BAIAP2: variants seen among roughly 807,000 people sequenced by gnomAD.
BAIAP2 encodes BAR/IMD domain containing adaptor protein 2.
Under a neutral mutation model 63.0 loss-of-function variants are expected in BAIAP2, and 18 were observed. That is an observed-to-expected ratio of 0.29 (90% confidence interval 0.20 to 0.42). BAIAP2 has a LOEUF of 0.42. Ranked by LOEUF, BAIAP2 falls within the 10% of genes least tolerant of loss-of-function variation. The pLI, the probability that BAIAP2 is intolerant of heterozygous loss-of-function variation, is 1.00. For missense variants in BAIAP2, 610 were observed against 734.3 expected, an observed-to-expected ratio of 0.83 and a Z score of 1.96; for synonymous variants, 386 against 307.6, an observed-to-expected ratio of 1.25 and a Z score of -2.67.
At chr17:81,093,816 G>A (rs1477523035) in intron 6 of BAIAP2, among the ~76,000 whole-genome samples, 4 of 152,216 alleles carry the variant, frequency 2.6e-5, no homozygotes, top group Non-Finnish European at 5.9e-5. Context: ...GATCTTCAGA[G>A]AAGATAATAG....
chr17:81,067,702 G>A (rs575267991), intron 3 of BAIAP2, among the ~76,000 whole-genome samples: 4 of 152,230 alleles, frequency 2.6e-5, no homozygotes, highest in Non-Finnish European at 4.4e-5. Flanking sequence ...CTCTGCCGGC[G>A]TTGCTGCTGC....
In BAIAP2 at chr17:81,117,253, GGACTTTATCATCGGCA is replaced by G. The variant is rs2060572788; in HGVS notation, c.*1418_*1433del. On this transcript the variant is annotated 3_prime_UTR_variant, in exon 14 of 14. Transcript: ENST00000428708. Reference sequence around the variant, plus strand: ...TTCCTGGCACAGCCCCTCCTGTCCAGGACTTTATCATCGGCAGACCTCAGAAGACAACACACAAAGG... The same window carrying G: ...TTCCTGGCACAGCCCCTCCTGTCCAGGACCTCAGAAGACAACACACAAAGG... 6.6e-6 allele frequency: 1 copy of G among 152,196 alleles called. No homozygotes were observed. The highest frequency in any genetic ancestry group is 2.4e-5 in the African/African-American group (1 of 41,430). 9.4% of individuals were successfully genotyped at this position (152,196 alleles called of 1,614,324 possible).
intron 6 of BAIAP2, among the ~76,000 whole-genome samples, chr17:81,094,470 C>A (rs1487312768): frequency 2.0e-5 from 3 of 152,174 alleles, no homozygotes; most frequent in African/African-American, 7.2e-5. Context: ...TGGCACTGTT[C>A]CCTTCCTGAG....
chr17:81,076,474 A>G (rs919325286), intron 3 of BAIAP2: 1 of 152,176 alleles, frequency 6.6e-6, no homozygotes, highest in African/African-American at 2.4e-5. Flanking sequence ...GCCAGGAGAC[A>G]TTTCGGCTAT....
rs771125803 is a variant in BAIAP2, at chr17:81,048,583, ATGGCCATCAGTCTCCAGGC to A, written c.55-5078_55-5060del. On this transcript the variant is annotated intron_variant, in intron 1 of 13. Coordinates refer to ENST00000428708, the MANE Select transcript of BAIAP2 (RefSeq NM_001144888.2). ...GGCCGGCCCGTAGCACTGAATCATA[ATGGCCATCAGTCTCCAGGC>A]TGGCCAGCAGTGTCCAGCAGCTCGC... Among the ~76,000 whole-genome samples the A allele has an allele frequency of 6.8e-4, 104 of 151,914 alleles. 1 individual carries two copies. Among genetic ancestry groups the A allele is most frequent in the Non-Finnish European group, 1.1e-3 (74 of 67,974 alleles).
chr17:81,057,585 C>CT, intron 2 of BAIAP2: 1 of 1,103,990 alleles, frequency 9.1e-7, no homozygotes, highest in Non-Finnish European at 1.1e-6. Flanking sequence ...CCGGCCCTGC[C>CT]TGGTAGCACG....
At chr17:81,066,417 T>A (rs2051474666) in intron 3 of BAIAP2, among the ~76,000 whole-genome samples, 1 of 152,216 alleles carries the variant, frequency 6.6e-6, no homozygotes, top group African/African-American at 2.4e-5. Context: ...GCCTGGAAAC[T>A]TCCCATAGCT....
chr17:81,058,031 T>G, intron 3 of BAIAP2, 64 bp downstream of exon 3: 2 of 1,113,874 alleles, frequency 1.8e-6, no homozygotes, highest in Non-Finnish European at 2.4e-6. Flanking sequence ...TCTGGGGCCC[T>G]GTCCTGTGTC....
chr17:81,108,538 G>C lies in BAIAP2; in HGVS notation c.1535+29G>C, dbSNP rs200884574. 4.3e-3 allele frequency: 6,955 copies of C among 1,613,744 alleles called. 79 individuals are homozygous for C. Among genetic ancestry groups the C allele is most frequent in the South Asian group, 0.032 (2,946 of 91,076 alleles). On this transcript the variant is annotated intron_variant, in intron 13 of 13. Transcript: ENST00000428708. ...AGGGGACTTTCAGACCTGTCTTTGGGACCGTGGGTGGGTGTGAAGAGGCCG... is the reference window on the plus strand; with the variant it reads ...AGGGGACTTTCAGACCTGTCTTTGGCACCGTGGGTGGGTGTGAAGAGGCCG...
rs990935154 is a variant in BAIAP2, at chr17:81,112,613, C to T, written c.1536-3157C>T. Among the ~76,000 whole-genome samples the T allele has an allele frequency of 3.9e-5, 6 of 152,240 alleles. No homozygotes were observed. The East Asian group carries it at 9.6e-4, about 24-fold the overall frequency. ...CAGAAGGGCCCACCTTCTGAAGACA[C>T]GAAGAAACAGCTGACGCGAGAAGAC... is the stretch of plus-strand genomic sequence containing the variant. On this transcript the variant is annotated intron_variant, in intron 13 of 13. Coordinates refer to ENST00000428708, the MANE Select transcript of BAIAP2 (RefSeq NM_001144888.2).
At position 81,056,134 on chromosome 17, in the gene BAIAP2, G is replaced by C. The variant is rs893587351; in HGVS notation, c.131-1747G>C. The stretch of plus-strand genomic sequence containing the variant: ...ACGCTGGAGAGAGGCTCCCGAATCA[G>C]AGTAGGAAGGCTGAGGCCCGGCTCG... On this transcript the variant is annotated intron_variant, in intron 2 of 13. Transcript: ENST00000428708. 3.3e-5 allele frequency among the ~76,000 whole-genome samples: 5 copies of C among 152,294 alleles called. No homozygotes were observed. In the East Asian group the frequency reaches 9.7e-4, roughly 29 times the overall value.
Position 81,116,387 on chromosome 17 carries a change from G to GTGGGGCTCTCCT in BAIAP2, c.*549_*560dup. 2 of 1,557,646 alleles carry GTGGGGCTCTCCT rather than the reference G, an allele frequency of 1.3e-6. No homozygotes were observed. Among genetic ancestry groups the GTGGGGCTCTCCT allele is most frequent in the Non-Finnish European group, 8.7e-7 (1 of 1,144,488 alleles). On this transcript the variant is annotated 3_prime_UTR_variant, in exon 14 of 14. Coordinates refer to ENST00000428708, the MANE Select transcript of BAIAP2 (RefSeq NM_001144888.2). ...GCCTGGTCCCTCCCCATGCCCCTCG[G>GTGGGGCTCTCCT]TGGGGCTCTCCTGGGCCCCTCACTC...
Position 81,086,512 on chromosome 17 carries a change from C to A in BAIAP2, c.421C>A (p.Leu141Met). ...GDALDKCQAE[L>M]KKLRKKSQGS... Reference sequence around the variant, plus strand: ...CGCCCTGGACAAGTGTCAGGCTGAGCTGAAGAAGCTTCGGAAGAAGAGCCA... The same window carrying A: ...CGCCCTGGACAAGTGTCAGGCTGAGATGAAGAAGCTTCGGAAGAAGAGCCA... The change falls in exon 6 of 14, where the codon CTG becomes ATG. Residue 141 changes from leucine (L) to methionine (M), a missense_variant. Physicochemically the swap from Leu to Met is conservative, Grantham distance 15. Around this residue, in one of 5 missense-constraint regions of BAIAP2, gnomAD observed 389 missense variants for 455.6 expected, o/e 0.85. Coordinates refer to ENST00000428708, the MANE Select transcript of BAIAP2 (RefSeq NM_001144888.2). 1 of 1,614,036 alleles carries A rather than the reference C, an allele frequency of 6.2e-7. No homozygotes were observed. The highest frequency in any genetic ancestry group is 8.5e-7 in the Non-Finnish European group (1 of 1,180,028).
At position 81,045,700 on chromosome 17, in the gene BAIAP2, C is replaced by T. The variant is rs571734516; in HGVS notation, c.55-7968C>T. Among the ~76,000 whole-genome samples the T allele has an allele frequency of 4.6e-5, 7 of 152,270 alleles. No individual in the cohort carries two copies. In the East Asian group the frequency reaches 7.7e-4, roughly 17 times the overall value. ...CACCATGACCCATGGCCAGGCTGCC[C>T]AGGGCCCTGCAGGAGTCCCTGGTAT... is the stretch of plus-strand genomic sequence containing the variant. On this transcript the variant is annotated intron_variant, in intron 1 of 13. Transcript: ENST00000428708.
At chr17:81,110,094 A>AG in intron 13 of BAIAP2, 2 of 985,330 alleles carry the variant, frequency 2.0e-6, no homozygotes, top group South Asian at 9.4e-5. Flanking sequence ...AATTGAGTGC[A>AG]GGGCACAGCC....
intron 3 of BAIAP2, among the ~76,000 whole-genome samples, chr17:81,074,513 C>T (rs1378587701): frequency 1.4e-5 from 2 of 146,120 alleles, no homozygotes; most frequent in Admixed American, 6.8e-5. Context: ...TGCATGGATG[C>T]GTACGAGTTG....
At chr17:81,105,726 C>G (rs2059107540) in intron 10 of BAIAP2, 1 of 238,674 alleles carries the variant, frequency 4.2e-6, no homozygotes, top group Non-Finnish European at 8.3e-6. Context: ...GCTGCTCCAT[C>G]TTTCTTCCAG....
rs2047805872 is a variant in BAIAP2 at position 81,046,359 on chromosome 17, C to A, written c.55-7309C>A. ...AGATCTGCCTCCTCCAGGCAGCCCT[C>A]CCAGCTGTGCTCCTGGAGTTGGTTT... is the stretch of plus-strand genomic sequence containing the variant. On this transcript the variant is annotated intron_variant, in intron 1 of 13. Coordinates refer to ENST00000428708, the MANE Select transcript of BAIAP2 (RefSeq NM_001144888.2). This position sits in a 1 kb window ranked among gnomAD's most constrained non-coding sequence, Gnocchi z 4.5. Among the ~76,000 whole-genome samples, 1 of 152,166 alleles carries A rather than the reference C, an allele frequency of 6.6e-6. No homozygotes were observed. Among genetic ancestry groups the A allele is most frequent in the Non-Finnish European group, 1.5e-5 (1 of 68,016 alleles).
At chr17:81,113,238 C>T (rs546837910) in intron 13 of BAIAP2, among the ~76,000 whole-genome samples, 79 of 152,304 alleles carry the variant, frequency 5.2e-4, no homozygotes, top group Non-Finnish European at 8.4e-4. Context: ...GGGTCCTCCG[C>T]TCTTGGACAC....
Sources: allele counts gnomAD v4.1 joint callset (sites outside exome capture counted in the v4.1 genomes callset), GRCh38; gene constraint gnomAD v4.1.1; regional missense constraint gnomAD v4.1.1; non-coding constraint Gnocchi (gnomAD v3.1); transcripts MANE v1.5; gene names NCBI Gene and HGNC (gene_info 2026-07-23, HGNC 2026-07-21).